The following PHF3 variants were observed in gnomAD, a reference collection of about 807,000 sequenced individuals.
PHF3 encodes the protein PHD finger protein 3.
A neutral mutation model predicts 178.4 loss-of-function variants in PHF3; 41 were observed. The observed-to-expected ratio is 0.23, with a 90% CI of 0.18 to 0.30. The LOEUF (loss-of-function observed/expected upper bound fraction) is 0.30, where lower values mean the gene tolerates loss of function less well. PHF3 is among the 10% of genes least tolerant of loss of function. PHF3 has a pLI of 1.00. For missense variants in PHF3, 2,346 were observed against 2,398.1 expected (o/e 0.98, Z 0.45); for synonymous variants, 842 against 800.5 (o/e 1.05, Z -0.88).
chr6:63,653,843 A>G (rs184661767), intron 2 of PHF3, among the ~76,000 whole-genome samples: 17 of 152,132 alleles, frequency 1.1e-4, no homozygotes, highest in Admixed American at 8.5e-4. Flanking sequence ...TTGTGAAGGG[A>G]TGTTGAATTT....
At chr6:63,660,693 C>T (rs1259368100) in intron 2 of PHF3, among the ~76,000 whole-genome samples, 1 of 152,128 alleles carries the variant, frequency 6.6e-6, no homozygotes, top group Non-Finnish European at 1.5e-5. Flanking sequence ...TCTTGCTCAG[C>T]ATGGCAAGAA....
chr6:63,701,329 T>C (rs546205060), intron 9 of PHF3, among the ~76,000 whole-genome samples: 1 of 152,356 alleles, frequency 6.6e-6, no homozygotes, highest in South Asian at 2.1e-4. Flanking sequence ...ATATAGAGTG[T>C]GTGCACCATA....
At chr6:63,694,805 A>G in intron 6 of PHF3, 41 bp downstream of exon 6, 2 of 1,077,912 alleles carry the variant, frequency 1.9e-6, no homozygotes, top group Non-Finnish European at 1.2e-6. Flanking sequence ...TAATATATTT[A>G]TATCTTATTT....
intron 2 of PHF3, among the ~76,000 whole-genome samples, chr6:63,663,145 A>T (rs1351319874): frequency 6.6e-6 from 1 of 152,218 alleles, no homozygotes; most frequent in Admixed American, 6.5e-5. Flanking sequence ...TCTGTCAGGA[A>T]GCAAAGTAAA....
chr6:63,694,959 TAGTGAAATTAAG>T (rs1192096940), intron 6 of PHF3, among the ~76,000 whole-genome samples, 195 bp downstream of exon 6: 1 of 152,176 alleles, frequency 6.6e-6, no homozygotes, highest in Non-Finnish European at 1.5e-5. Flanking sequence ...GGGGAAGCGC[TAGTGAAATTAAG>T]ATAAGACCCC....
chr6:63,663,925 A>G (rs1214853862), intron 2 of PHF3, among the ~76,000 whole-genome samples: 1 of 152,214 alleles, frequency 6.6e-6, no homozygotes, highest in Non-Finnish European at 1.5e-5. Context: ...TTCATTTAAA[A>G]TTGTATCTTG....
intron 2 of PHF3, among the ~76,000 whole-genome samples, chr6:63,675,766 G>T (rs1260067966): frequency 1.3e-5 from 2 of 152,114 alleles, no homozygotes; most frequent in Non-Finnish European, 2.9e-5. Context: ...TTATTTTCCA[G>T]CACATATAAA....
At position 63,722,240 on chromosome 6, in the gene PHF3, C is replaced by T. The variant is rs1324441000; in HGVS notation, c.*8532C>T. On this transcript the variant is annotated 3_prime_UTR_variant, in exon 16 of 16. Transcript: ENST00000262043. ...TTACACTCTCTTTACTTCAACAACA[C>T]TGACTTTGTTAATTAAGGATTTCAT... 1.3e-5 allele frequency among the ~76,000 whole-genome samples: 2 copies of T among 152,106 alleles called. No homozygotes were observed. The highest frequency in any genetic ancestry group is 4.8e-5 in the African/African-American group (2 of 41,436).
chr6:63,721,995 TGGC>T lies in PHF3; in HGVS notation c.*8288_*8290del. 6.6e-6 allele frequency among the ~76,000 whole-genome samples: 1 copy of T among 152,256 alleles called. No homozygotes were observed. Among genetic ancestry groups the T allele is most frequent in the East Asian group, 1.9e-4 (1 of 5,184 alleles). The stretch of plus-strand genomic sequence containing the variant: ...GTATTCTTTCATTTTGTTCAGCAAT[TGGC>T]TACATAAATTTTCTCTAGTTGTGGA... On this transcript the variant is annotated 3_prime_UTR_variant, in exon 16 of 16. Coordinates refer to ENST00000262043, the MANE Select transcript of PHF3 (RefSeq NM_001370348.2).
chr6:63,699,254 A>G (rs1457600924), intron 8 of PHF3, among the ~76,000 whole-genome samples: 1 of 152,198 alleles, frequency 6.6e-6, no homozygotes, highest in East Asian at 1.9e-4. Flanking sequence ...ATAAGCAAAA[A>G]TCATGCCAGC....
At chr6:63,646,025 T>C (rs1487259243) in intron 1 of PHF3, among the ~76,000 whole-genome samples, 1 of 152,162 alleles carries the variant, frequency 6.6e-6, no homozygotes, top group Non-Finnish European at 1.5e-5. Flanking sequence ...TACCTTTCTT[T>C]AAATAATTTT....
chr6:63,711,760 C>G lies in PHF3; in HGVS notation c.4172C>G (p.Ala1391Gly), dbSNP rs750999876. The change falls in exon 16 of 16, where the codon GCA (alanine) becomes GGA (glycine). Residue 1391 changes from alanine (A) to glycine (G), a missense_variant. Physicochemically the swap from Ala to Gly is moderately conservative, Grantham distance 60. Transcript: ENST00000262043. ...KSKIEVSTEE[A>G]PEEENDFFNS... is the part of the protein sequence containing the mutation. The stretch of plus-strand genomic sequence containing the variant: ...AAAATAGAAGTTTCTACAGAAGAAG[C>G]ACCAGAGGAAGAAAATGACTTTTTT... 36 of 1,613,352 alleles carry G rather than the reference C, an allele frequency of 2.2e-5. No homozygotes were observed. The highest frequency in any genetic ancestry group is 3.0e-5 in the Non-Finnish European group (35 of 1,179,804).
chr6:63,664,813 T>C (rs530084994), intron 2 of PHF3, among the ~76,000 whole-genome samples: 83 of 152,190 alleles, frequency 5.5e-4, no homozygotes, highest in African/African-American at 1.9e-3. Flanking sequence ...ATAACTCGAT[T>C]ATACATACAT....
In PHF3 at chr6:63,721,892, A is replaced by T. The variant is rs1271292062; in HGVS notation, c.*8184A>T. On this transcript the variant is annotated 3_prime_UTR_variant, in exon 16 of 16. Coordinates refer to ENST00000262043, the MANE Select transcript of PHF3 (RefSeq NM_001370348.2). The stretch of plus-strand genomic sequence containing the variant: ...TGGCCAAGTTGGATAAGTTTTAGTT[A>T]TGGGGAAAAAAGTAACAGATCTTGA... 8.4e-7 allele frequency: 1 copy of T among 1,187,278 alleles called. No homozygotes were observed. Among genetic ancestry groups the T allele is most frequent in the African/African-American group, 1.6e-5 (1 of 64,498 alleles). The allele number at this position is 1,187,278 out of a possible 1,614,324, so 73.5% of individuals were successfully genotyped here.
intron 6 of PHF3, among the ~76,000 whole-genome samples, chr6:63,697,106 T>C (rs1767262532): frequency 6.6e-6 from 1 of 151,918 alleles, no homozygotes; most frequent in Non-Finnish European, 1.5e-5. Flanking sequence ...AGAGAAGTGA[T>C]AGTGTAGGTG....
intron 2 of PHF3, among the ~76,000 whole-genome samples, chr6:63,668,086 G>T (rs901543762): frequency 6.6e-6 from 1 of 152,134 alleles, no homozygotes; most frequent in African/African-American, 2.4e-5. Flanking sequence ...GATATTCGCT[G>T]GAGTCAGTTG....
At position 63,713,639 on chromosome 6, in the gene PHF3, A is replaced by C. The variant is rs1561988553; in HGVS notation, c.6051A>C (p.Glu2017Asp). The change falls in exon 16 of 16, where the codon GAA (glutamate) becomes GAC (aspartate). Residue 2017 changes from glutamate (E) to aspartate (D), a missense_variant. Physicochemically the swap from Glu to Asp is conservative, Grantham distance 45. Around this residue, in one of 8 missense-constraint regions of PHF3, gnomAD observed 839 missense variants for 806.9 expected, o/e 1.04. Coordinates refer to ENST00000262043, the MANE Select transcript of PHF3 (RefSeq NM_001370348.2). ...AACGAGAGAAAAGTAAACACAGAGAAGGAGAAAAGGACAGGGATAGGTACC... is the reference window on the plus strand; with the variant it reads ...AACGAGAGAAAAGTAAACACAGAGACGGAGAAAAGGACAGGGATAGGTACC... ...DKEREKSKHR[E>D]GEKDRDRYHK... The C allele has an allele frequency of 2.5e-6, 4 of 1,611,940 alleles. No homozygotes were observed. Among genetic ancestry groups the C allele is most frequent in the Non-Finnish European group, 2.5e-6 (3 of 1,179,434 alleles).
chr6:63,645,615 A>G (rs554167491), intron 1 of PHF3, among the ~76,000 whole-genome samples: 8 of 152,294 alleles, frequency 5.3e-5, no homozygotes, highest in African/African-American at 1.9e-4. Context: ...TTGTTAAATT[A>G]ATATTAACTT....
intron 2 of PHF3, among the ~76,000 whole-genome samples, chr6:63,654,542 G>A (rs904103656): frequency 4.6e-5 from 7 of 152,210 alleles, no homozygotes; most frequent in Admixed American, 1.3e-4. Flanking sequence ...AGATAAAAGA[G>A]AGGTAAACAC....
Sources: allele counts gnomAD v4.1 joint callset (sites outside exome capture counted in the v4.1 genomes callset), GRCh38; gene constraint gnomAD v4.1.1; regional missense constraint gnomAD v4.1.1; transcripts MANE v1.5; gene names NCBI Gene and HGNC (gene_info 2026-07-23, HGNC 2026-07-21).